PPP3CC: variants seen among roughly 807,000 people sequenced by gnomAD.
PPP3CC encodes serine/threonine-protein phosphatase 2B catalytic subunit gamma isoform.
Under a neutral mutation model 60.3 loss-of-function variants are expected in PPP3CC, and 35 were observed. The ratio of observed to expected loss-of-function variants is 0.58; its 90% CI spans 0.44 to 0.77. The LOEUF is 0.77. PPP3CC is among the 30% of genes least tolerant of loss of function. The pLI is 0.00. For synonymous variants in PPP3CC, 206 were observed against 224.3 expected (o/e 0.92, Z 0.73); for missense variants, 570 against 628.9 (o/e 0.91, Z 1.00).
intron 6 of PPP3CC, among the ~76,000 whole-genome samples, chr8:22,518,266 G>A (rs193050539): frequency 1.3e-5 from 2 of 151,970 alleles, no homozygotes; most frequent in Non-Finnish European, 2.9e-5. Context: ...AGGTCTTGCT[G>A]TGTTGCTTAG....
chr8:22,462,382 C>A (rs1837387107), intron 1 of PPP3CC, among the ~76,000 whole-genome samples: 1 of 152,136 alleles, frequency 6.6e-6, no homozygotes. Context: ...AGTGTAATTT[C>A]AGTTTTGTTT....
intron 3 of PPP3CC, among the ~76,000 whole-genome samples, chr8:22,493,255 G>A (rs1254828542): frequency 1.3e-5 from 2 of 151,958 alleles, no homozygotes; most frequent in Non-Finnish European, 2.9e-5. Flanking sequence ...AAGCTCCTTG[G>A]ACACTGCAGC....
intron 3 of PPP3CC, among the ~76,000 whole-genome samples, chr8:22,489,784 G>A (rs866751886): frequency 1.3e-4 from 10 of 79,430 alleles, no homozygotes; most frequent in African/African-American, 3.5e-4. Context: ...TATATATATA[G>A]TAAGTATATA....
chr8:22,457,979 T>C (rs151157140), intron 1 of PPP3CC, among the ~76,000 whole-genome samples: 3,392 of 152,090 alleles, frequency 0.022, 80 homozygotes, highest in East Asian at 0.084. Flanking sequence ...TAATCCCAGC[T>C]ACTCAGGAGG....
At chr8:22,527,669 T>A (rs377661650) in intron 9 of PPP3CC, 152 bp downstream of exon 9, 2 of 926,310 alleles carry the variant, frequency 2.2e-6, no homozygotes, top group Non-Finnish European at 3.1e-6. Flanking sequence ...GGAGTCTCGC[T>A]CTGTCACCCA....
At chr8:22,461,839 A>G (rs1283408677) in intron 1 of PPP3CC, among the ~76,000 whole-genome samples, 1 of 152,236 alleles carries the variant, frequency 6.6e-6, no homozygotes, top group Non-Finnish European at 1.5e-5. Flanking sequence ...GAGTTGCTGG[A>G]ACAGCCAGTA....
At chr8:22,493,062 G>A in intron 3 of PPP3CC, 3 of 1,476,280 alleles carry the variant, frequency 2.0e-6, no homozygotes, top group Non-Finnish European at 2.8e-6. Context: ...GAATTTTGAT[G>A]AGGCTTCCAA....
Position 22,522,552 on chromosome 8 carries a change from G to C in PPP3CC, c.832G>C (p.Glu278Gln), listed in dbSNP as rs1839436352. ...TTTACTATCAATTATCAGAGCCCAT[G>C]AAGCCCAAGATGCTGGGTAAGTTAC... ...NNLLSIIRAHEAQDAGYRMYR... is the reference protein window; with the variant it reads ...NNLLSIIRAHQAQDAGYRMYR... Residue 278 changes from glutamate (E) to glutamine (Q), a missense_variant, in exon 7 of 14, where the codon GAA (glutamate) becomes CAA (glutamine). Coordinates refer to ENST00000240139, the MANE Select transcript of PPP3CC (RefSeq NM_005605.5). 1 of 1,612,310 alleles carries C rather than the reference G, an allele frequency of 6.2e-7. No homozygotes were observed. The highest frequency in any genetic ancestry group is 1.3e-5 in the African/African-American group (1 of 74,862).
chr8:22,500,919 T>G (rs1838742971), intron 4 of PPP3CC, among the ~76,000 whole-genome samples: 1 of 152,130 alleles, frequency 6.6e-6, no homozygotes. Flanking sequence ...TTTTGGAGGC[T>G]CAGGTGAGTG....
intron 1 of PPP3CC, among the ~76,000 whole-genome samples, chr8:22,469,016 C>G (rs1837632290): frequency 1.3e-5 from 2 of 151,994 alleles, no homozygotes; most frequent in Admixed American, 6.6e-5. Context: ...AGTATCTACC[C>G]AAAGGAAAAT....
At chr8:22,450,490 C>A (rs938803010) in intron 1 of PPP3CC, among the ~76,000 whole-genome samples, 4 of 152,214 alleles carry the variant, frequency 2.6e-5, no homozygotes, top group Non-Finnish European at 4.4e-5. Flanking sequence ...TACTGCATGT[C>A]CAGTCCCACC....
chr8:22,511,356 C>A, intron 5 of PPP3CC, 125 bp downstream of exon 5: 1 of 1,032,716 alleles, frequency 9.7e-7, no homozygotes, highest in Non-Finnish European at 1.4e-6. Flanking sequence ...GTGGTGCTAT[C>A]TCAGCTCACT....
rs115742942 is a variant in PPP3CC, at chr8:22,493,714, G to A, written c.373-4287G>A. ...GTAACAGTCATGGAGCTGTCATGTC[G>A]TATAACAGTGCCTTCTGCTAGAATC... is the stretch of plus-strand genomic sequence containing the variant. On this transcript the variant is annotated intron_variant, in intron 3 of 13. Coordinates refer to ENST00000240139, the MANE Select transcript of PPP3CC (RefSeq NM_005605.5). Among the ~76,000 whole-genome samples the A allele has an allele frequency of 3.7e-3, 569 of 152,216 alleles. 2 individuals carry two copies. Among genetic ancestry groups the A allele is most frequent in the African/African-American group, 0.013 (547 of 41,516 alleles).
intron 1 of PPP3CC, among the ~76,000 whole-genome samples, chr8:22,458,109 A>AG (rs1309139390): frequency 6.6e-6 from 1 of 152,154 alleles, no homozygotes; most frequent in Non-Finnish European, 1.5e-5. Context: ...AACAAAAAAA[A>AG]CAAAAAAAAC....
intron 1 of PPP3CC, among the ~76,000 whole-genome samples, chr8:22,462,351 G>A (rs906931640): frequency 2.0e-5 from 3 of 152,186 alleles, no homozygotes; most frequent in Admixed American, 1.3e-4. Flanking sequence ...GTGCTTTTCT[G>A]TGCATCTGCA....
intron 1 of PPP3CC, among the ~76,000 whole-genome samples, chr8:22,448,518 T>C (rs968117170): frequency 1.3e-5 from 2 of 152,012 alleles, no homozygotes; most frequent in African/African-American, 2.4e-5. Context: ...TAGCTGGGAT[T>C]ACAGGCATGC....
At chr8:22,518,154 C>G (rs535059399) in intron 6 of PPP3CC, among the ~76,000 whole-genome samples, 2 of 151,994 alleles carry the variant, frequency 1.3e-5, no homozygotes, top group East Asian at 3.9e-4. Flanking sequence ...CCTTGAACTC[C>G]TGGGCTCAAG....
At chr8:22,466,334 T>G (rs1212581869) in intron 1 of PPP3CC, among the ~76,000 whole-genome samples, 4 of 152,244 alleles carry the variant, frequency 2.6e-5, no homozygotes. Context: ...TGATTTATAA[T>G]CCTTTGAGTA....
intron 6 of PPP3CC, among the ~76,000 whole-genome samples, chr8:22,521,394 G>C (rs891990164): frequency 2.0e-5 from 3 of 152,174 alleles, no homozygotes; most frequent in African/African-American, 7.2e-5. Context: ...TAGGACTGCA[G>C]ACAAGTGGGA....
Sources: gnomAD v4.1 joint callset for allele counts (sites outside exome capture counted in the v4.1 genomes callset) on GRCh38, gnomAD v4.1.1 for gene constraint, MANE v1.5 for transcripts, NCBI Gene and HGNC (gene_info 2026-07-23, HGNC 2026-07-21) for gene names.